Variants in SCNN1D observed in about 807,000 individuals in gnomAD.
SCNN1D encodes epithelial sodium channel subunit delta.
SCNN1D carries 104 observed loss-of-function variants against 87.8 expected under a neutral mutation model. The ratio of observed to expected loss-of-function variants is 1.18; its 90% CI spans 1.01 to 1.39. The LOEUF (loss-of-function observed/expected upper bound fraction) is 1.39, where lower values mean the gene tolerates loss of function less well. Ranked by LOEUF, SCNN1D falls within the 40% of genes most tolerant of loss-of-function variation. The pLI, the probability that SCNN1D is intolerant of heterozygous loss-of-function variation, is 0.00. For synonymous variants in SCNN1D, 628 were observed against 481.2 expected (o/e 1.31, Z -3.99); for missense variants, 1,324 against 1,093.9 (o/e 1.21, Z -2.97).
chr1:1,287,346 G>A, intron 9 of SCNN1D, 47 bp downstream of exon 9: 2 of 1,517,642 alleles, frequency 1.3e-6, no homozygotes, highest in South Asian at 1.3e-5. Flanking sequence ...ACCCCACAGA[G>A]CGTGGCCGCA....
intron 4 of SCNN1D, 106 bp from the exon 5 acceptor site, chr1:1,283,871 GT>G (rs777765550): frequency 3.0e-4 from 164 of 541,062 alleles, no homozygotes; most frequent in Middle Eastern, 4.5e-4. Flanking sequence ...GGGCATCTCT[GT>G]CCCCCAGGAA....
At chr1:1,286,326 G>A (rs746741278) in intron 7 of SCNN1D, 48 bp downstream of exon 7, 1 of 1,428,418 alleles carries the variant, frequency 7.0e-7, no homozygotes, top group South Asian at 1.3e-5. Context: ...CCAGCTCCTT[G>A]CCCCTGTGAC....
rs753818988 is a variant in SCNN1D, at chr1:1,287,281, G to A, written c.1292G>A (p.Gly431Asp). The A allele has an allele frequency of 1.3e-6, 2 of 1,598,952 alleles. No individual in the cohort carries two copies. Among genetic ancestry groups the A allele is most frequent in the Admixed American group, 1.7e-5 (1 of 59,088 alleles). The change falls in exon 9 of 18, where the codon GGC becomes GAC. Residue 431 changes from glycine to aspartate, a missense_variant. By Grantham distance (94) the Gly-to-Asp change is moderately conservative. Transcript: ENST00000379116. ...GHFVLSCSYD[G>D]LDCQARQFRT... ...TTCGTCCTCTCCTGCAGTTACGATG[G>A]CCTGGACTGCCAGGCCCGGTGAGTG... is the stretch of plus-strand genomic sequence containing the variant.
Position 1,286,249 on chromosome 1 carries a change from G to C in SCNN1D, c.882G>C (p.Leu294=). The change falls in exon 7 of 18, where the codon CTG becomes CTC. Residue 294 remains leucine (L), a synonymous_variant. Transcript: ENST00000379116. ...ACTCGGAGCGCAAGCTGCTCCCGCT[G>C]GTCACCCTGTGTGACGGGAACCCAC... ...SVHSERKLLP[L]VTLCDGNPRR... is the part of the protein sequence containing the mutation. 3.8e-6 allele frequency: 6 copies of C among 1,591,068 alleles called. No homozygotes were observed. Among genetic ancestry groups the C allele is most frequent in the East Asian group, 2.3e-5 (1 of 44,322 alleles).
In SCNN1D at chr1:1,282,021, C is replaced by G. The variant is rs558024166; in HGVS notation, c.278-221C>G. 1.0e-5 allele frequency: 6 copies of G among 591,746 alleles called. 1 individual carries two copies. Among genetic ancestry groups the G allele is most frequent in the African/African-American group, 1.9e-5 (1 of 53,316 alleles). The allele number at this position is 591,746 out of a possible 1,614,324, so 36.7% of individuals were successfully genotyped here. A position where few individuals can be genotyped will look rare whatever the true frequency, so the allele number is the denominator to read the frequency against. On this transcript the variant is annotated intron_variant, in intron 3 of 17. Coordinates refer to ENST00000379116, the MANE Select transcript of SCNN1D (RefSeq NM_001130413.4). ...CTGTCTCCTCGGCAGGTGCGGCCCACGCACAAAGCTGCCCAGATGTGGTGG... is the reference window on the plus strand; with the variant it reads ...CTGTCTCCTCGGCAGGTGCGGCCCAGGCACAAAGCTGCCCAGATGTGGTGG...
chr1:1,287,394 C>T, intron 9 of SCNN1D, 95 bp downstream of exon 9: 1 of 1,485,652 alleles, frequency 6.7e-7, no homozygotes, highest in Non-Finnish European at 9.0e-7. Context: ...GGGAGCCACC[C>T]AAGGCTGGCC....
In SCNN1D at chr1:1,287,201, C is replaced by T. The variant is rs559927952; in HGVS notation, c.1212C>T (p.Ile404=). 5.6e-5 allele frequency: 91 copies of T among 1,612,242 alleles called. 1 individual carries two copies. The highest frequency in any genetic ancestry group is 1.5e-4 in the Admixed American group (9 of 59,994). ...GGTACCACTTCCACTATGTGGATATCCTGGCCCTGCTGCCCGCGGCATGGG... is the reference window on the plus strand; with the variant it reads ...GGTACCACTTCCACTATGTGGATATTCTGGCCCTGCTGCCCGCGGCATGGG... ...QDWYHFHYVD[I]LALLPAAWED... The change falls in exon 9 of 18, where the codon ATC becomes ATT. Residue 404 remains isoleucine (I), a synonymous_variant. Transcript: ENST00000379116.
chr1:1,288,097 G>GA, intron 12 of SCNN1D, 60 bp downstream of exon 12: 1 of 1,203,256 alleles, frequency 8.3e-7, no homozygotes, highest in African/African-American at 1.5e-5. Flanking sequence ...CAGGGGGTGT[G>GA]GGCGGGTGGA....
In SCNN1D at chr1:1,287,981, GC is replaced by G; in HGVS notation, c.1608del (p.Gly537AlafsTer28). On this transcript the variant is annotated frameshift_variant, in exon 12 of 18. Transcript: ENST00000379116. LOFTEE classifies it high-confidence loss of function. ...RLGSPYGHCT[A>X]GGEGVEVELL... is the part of the protein sequence containing the mutation. Reference sequence around the variant, plus strand: ...CGGGAGCCCCTACGGCCACTGCACCGCCGGCGGGGAAGGCGTGGAGGTGGAG... The same window carrying G: ...CGGGAGCCCCTACGGCCACTGCACCGCGGCGGGGAAGGCGTGGAGGTGGAG... 1 of 1,546,660 alleles carries G rather than the reference GC, an allele frequency of 6.5e-7. No individual in the cohort carries two copies. Among genetic ancestry groups the G allele is most frequent in the Non-Finnish European group, 8.7e-7 (1 of 1,145,332 alleles).
At position 1,286,994 on chromosome 1, in the gene SCNN1D, G is replaced by A. The variant is rs749405098; in HGVS notation, c.1119+19G>A. 1 of 1,606,544 alleles carries A rather than the reference G, an allele frequency of 6.2e-7. No individual in the cohort carries two copies. Among genetic ancestry groups the A allele is most frequent in the African/African-American group, 1.3e-5 (1 of 74,808 alleles). ...CAGACTGGTGAGTGTCCCAGCCGGG[G>A]CCTGCAGCCATCAGGGCCTTGAGCT... On this transcript the variant is annotated intron_variant, in intron 8 of 17. Transcript: ENST00000379116.
At chr1:1,285,140 G>C (rs978509573) in intron 5 of SCNN1D, among the ~76,000 whole-genome samples, 4 of 152,202 alleles carry the variant, frequency 2.6e-5, no homozygotes, top group Non-Finnish European at 4.4e-5. Context: ...CACACCCGAG[G>C]GGAGCCGTCC....
At position 1,285,922 on chromosome 1, in the gene SCNN1D, A is replaced by G. The variant is rs113398060; in HGVS notation, c.559-4A>G. On this transcript the variant is annotated splice_polypyrimidine_tract_variant and splice_region_variant and intron_variant, in intron 6 of 17. Coordinates refer to ENST00000379116, the MANE Select transcript of SCNN1D (RefSeq NM_001130413.4). Reference sequence around the variant, plus strand: ...GGGCCCTGCTGAGGCCACTCTGCACACAGGCTGCAGCCCAGACGCCCCCCA... The same window carrying G: ...GGGCCCTGCTGAGGCCACTCTGCACGCAGGCTGCAGCCCAGACGCCCCCCA... 10,723 of 1,543,040 alleles carry G rather than the reference A, an allele frequency of 6.9e-3. 563 individuals carry two copies. In the African/African-American group the frequency reaches 0.12, roughly 17 times the overall value.
intron 12 of SCNN1D, 85 bp from the exon 13 acceptor site, chr1:1,290,186 G>GTGTCCCTGCTCCGTCCCA: frequency 1.2e-6 from 1 of 810,120 alleles, no homozygotes. Flanking sequence ...GCTCCGTCCC[G>GTGTCCCTGCTCCGTCCCA]TGTCCCTGCT....
rs1435499960 is a variant in SCNN1D, at chr1:1,286,128, T to G, written c.761T>G (p.Leu254Arg). The change falls in exon 7 of 18, where the codon CTG becomes CGG. Residue 254 changes from leucine to arginine, a missense_variant. Physicochemically the swap from Leu to Arg is moderately radical, Grantham distance 102. Transcript: ENST00000379116. ...GNRLKTTSWG[L>R]LSLGALVALC... The stretch of plus-strand genomic sequence containing the variant: ...CGCCTCAAGACGACGTCCTGGGGGC[T>G]GCTGTCCCTGGGAGCCCTGGTCGCG... 2 of 1,610,744 alleles carry G rather than the reference T, an allele frequency of 1.2e-6. No homozygotes were observed. Among genetic ancestry groups the G allele is most frequent in the Admixed American group, 3.3e-5 (2 of 59,842 alleles).
intron 8 of SCNN1D, 53 bp downstream of exon 8, chr1:1,287,028 G>T: frequency 6.3e-7 from 1 of 1,584,574 alleles, no homozygotes; most frequent in Non-Finnish European, 8.6e-7. Context: ...CTGGGAGCAC[G>T]GCCCTGCGCT....
In SCNN1D at chr1:1,287,092, T is replaced by A. The variant is rs1330561833; in HGVS notation, c.1120-17T>A. On this transcript the variant is annotated splice_polypyrimidine_tract_variant and intron_variant, in intron 8 of 17. Coordinates refer to ENST00000379116, the MANE Select transcript of SCNN1D (RefSeq NM_001130413.4). ...TGGGCTGTAGCCACAGAGCTGACCC[T>A]CCCTCCCCTCTCCCAGTGCAACAGC... 7 of 1,584,292 alleles carry A rather than the reference T, an allele frequency of 4.4e-6. No homozygotes were observed. The South Asian group carries it at 5.7e-5, about 13-fold the overall frequency.
At chr1:1,288,318 C>T (rs140774809) in intron 12 of SCNN1D, among the ~76,000 whole-genome samples, 524 of 31,168 alleles carry the variant, frequency 0.017, 8 homozygotes, top group East Asian at 0.047. Flanking sequence ...GTCCCGTGTC[C>T]CTGCTCCGTC....
intron 3 of SCNN1D, 167 bp downstream of exon 3, chr1:1,281,777 G>A: frequency 6.2e-6 from 4 of 645,852 alleles, no homozygotes; most frequent in Non-Finnish European, 1.0e-5. Context: ...CCTACAGGAA[G>A]CCGGGGGCCT....
chr1:1,291,209 C>A, intron 17 of SCNN1D, 45 bp from the exon 18 acceptor site: 3 of 1,578,468 alleles, frequency 1.9e-6, no homozygotes, highest in Non-Finnish European at 2.6e-6. Context: ...ACAGAAGGGG[C>A]ACGGGGGCCT....
Sources: allele counts gnomAD v4.1 joint callset (sites outside exome capture counted in the v4.1 genomes callset), GRCh38; gene constraint gnomAD v4.1.1; transcripts MANE v1.5; gene names NCBI Gene and HGNC (gene_info 2026-07-23, HGNC 2026-07-21).